TBC1D13: variants seen among roughly 807,000 people sequenced by gnomAD.
The protein encoded by TBC1D13 is TBC1 domain family member 13, also known as epididymis secretory sperm binding protein.
A neutral mutation model predicts 53.6 loss-of-function variants in TBC1D13; 40 were observed. The observed-to-expected ratio is 0.75, with a 90% CI of 0.58 to 0.97. The LOEUF (loss-of-function observed/expected upper bound fraction) is 0.97. TBC1D13 is among the 50% of genes least tolerant of loss of function. TBC1D13 has a pLI of 0.00. For missense variants in TBC1D13, 377 were observed against 499.4 expected, an observed-to-expected ratio of 0.75 and a Z score of 2.34; for synonymous variants, 182 against 197.7, an observed-to-expected ratio of 0.92 and a Z score of 0.67.
rs780753269 is a variant in TBC1D13 at position 128,803,450 on chromosome 9, T to C, written c.744T>C (p.Ser248=). Residue 248 remains serine (S), a synonymous_variant, in exon 8 of 12, where the codon AGT becomes AGC. Transcript: ENST00000372648. The part of the protein sequence containing the change: ...LYYTFATDPN[S]EWKEHAEADT... Reference sequence around the variant, plus strand: ...ACACCTTTGCCACCGACCCCAATAGTGAGTGGAAAGGTAAGAAGGCTCTTG... The same window carrying C: ...ACACCTTTGCCACCGACCCCAATAGCGAGTGGAAAGGTAAGAAGGCTCTTG... 3 of 1,614,028 alleles carry C rather than the reference T, an allele frequency of 1.9e-6. No homozygotes were observed. Among genetic ancestry groups the C allele is most frequent in the South Asian group, 2.2e-5 (2 of 91,078 alleles).
In TBC1D13 at chr9:128,808,009, T is replaced by C; in HGVS notation, c.*130T>C. The C allele has an allele frequency of 2.4e-6, 2 of 820,718 alleles. No homozygotes were observed. The highest frequency in any genetic ancestry group is 4.1e-6 in the Non-Finnish European group (2 of 492,696). 50.8% of individuals were successfully genotyped at this position (820,718 alleles called of 1,614,324 possible). On this transcript the variant is annotated 3_prime_UTR_variant, in exon 12 of 12. Coordinates refer to ENST00000372648, the MANE Select transcript of TBC1D13 (RefSeq NM_018201.5). ...CAGGATCGGCCCGAGACCCAGGCCA[T>C]GCCCACTGGGGACACACTGTGCCGT...
In TBC1D13 at chr9:128,804,157, G is replaced by T. The variant is rs73669972; in HGVS notation, c.918+38G>T. The T allele has an allele frequency of 7.3e-3, 11,687 of 1,605,362 alleles. 664 individuals are homozygous for T. In the African/African-American group the frequency reaches 0.13, roughly 18 times the overall value. ...GGAACAGACGGGTGGAAAGGGACAG[G>T]AGGCAGAGAGTTGCTGTGCCATCCC... is the stretch of plus-strand genomic sequence containing the variant. On this transcript the variant is annotated intron_variant, in intron 9 of 11. Coordinates refer to ENST00000372648, the MANE Select transcript of TBC1D13 (RefSeq NM_018201.5).
chr9:128,791,499 C>T (rs1330338122), intron 4 of TBC1D13, 58 bp downstream of exon 4: 1 of 1,607,100 alleles, frequency 6.2e-7, no homozygotes, highest in African/African-American at 1.3e-5. Context: ...AGAGCCAGTA[C>T]CGCTGGGGCC....
chr9:128,791,755 G>A, intron 5 of TBC1D13, 62 bp downstream of exon 5: 1 of 1,449,878 alleles, frequency 6.9e-7, no homozygotes, highest in Non-Finnish European at 9.7e-7. Flanking sequence ...CGGCCTTGGA[G>A]CAGGCAAGGG....
chr9:128,796,117 TCATTCTGTCACCCAG>T (rs1357121090), intron 6 of TBC1D13, among the ~76,000 whole-genome samples: 1 of 152,248 alleles, frequency 6.6e-6, no homozygotes, highest in African/African-American at 2.4e-5. Context: ...AGACTGAGTC[TCATTCTGTCACCCAG>T]GCTGGAGCGC....
At chr9:128,806,120 C>T in intron 10 of TBC1D13, 101 bp downstream of exon 10, 2 of 1,584,230 alleles carry the variant, frequency 1.3e-6, no homozygotes, top group Admixed American at 3.5e-5. Context: ...GCTGCTCTTT[C>T]ATGGCTGGAG....
intron 1 of TBC1D13, among the ~76,000 whole-genome samples, chr9:128,787,604 C>T (rs1360845287): frequency 6.6e-6 from 1 of 151,900 alleles, no homozygotes; most frequent in Non-Finnish European, 1.5e-5. Flanking sequence ...CATCCTGGAC[C>T]CCTGGTGTCC....
rs1242271846 is a variant in TBC1D13, at chr9:128,808,155, A to G, written c.*276A>G. ...TTCCTGGGCCAGGGCCGTTTCTGGC[A>G]CTGGGAGGCTGGCAGGGGCCCCTCC... On this transcript the variant is annotated 3_prime_UTR_variant, in exon 12 of 12. Coordinates refer to ENST00000372648, the MANE Select transcript of TBC1D13 (RefSeq NM_018201.5). 1 of 445,644 alleles carries G rather than the reference A, an allele frequency of 2.2e-6. No homozygotes were observed. Among genetic ancestry groups the G allele is most frequent in the African/African-American group, 2.0e-5 (1 of 51,050 alleles). 27.6% of individuals were successfully genotyped at this position (445,644 alleles called of 1,614,324 possible).
At chr9:128,802,099 A>G (rs1589574166) in intron 7 of TBC1D13, among the ~76,000 whole-genome samples, 1 of 147,578 alleles carries the variant, frequency 6.8e-6, no homozygotes, top group East Asian at 2.0e-4. Flanking sequence ...CTTGTTGCCC[A>G]GGCTGGAGTG....
At chr9:128,800,367 CTTTTTTTTT>C (rs780656078) in intron 7 of TBC1D13, among the ~76,000 whole-genome samples, 5 of 106,714 alleles carry the variant, frequency 4.7e-5, no homozygotes, top group African/African-American at 2.1e-4. Context: ...TATCTTCCAA[CTTTTTTTTT>C]TTTTTTTTTT....
At position 128,791,610 on chromosome 9, in the gene TBC1D13, T is replaced by C. The variant is rs1356080806; in HGVS notation, c.217T>C (p.Phe73Leu). The C allele has an allele frequency of 1.2e-6, 2 of 1,614,188 alleles. No homozygotes were observed. Among genetic ancestry groups the C allele is most frequent in the Admixed American group, 1.7e-5 (1 of 60,020 alleles). ...CTCCTGCAGGGAGCTGTATGCCCAG[T>C]TCCTGAGGGAAATGATCATCCAGCC... The part of the protein sequence containing the change: ...LAKQRELYAQ[F>L]LREMIIQPGI... The change falls in exon 5 of 12, where the codon TTC (phenylalanine) becomes CTC (leucine). Residue 73 changes from phenylalanine to leucine, a missense_variant. Transcript: ENST00000372648.
At chr9:128,792,165 A>G (rs1009818263) in intron 5 of TBC1D13, among the ~76,000 whole-genome samples, 1 of 152,256 alleles carries the variant, frequency 6.6e-6, no homozygotes, top group Non-Finnish European at 1.5e-5. Flanking sequence ...TCATTCATTC[A>G]GCAAGCAAAC....
chr9:128,801,767 G>GT (rs61640466), intron 7 of TBC1D13, among the ~76,000 whole-genome samples: 51,365 of 140,600 alleles, frequency 0.37, 12,045 homozygotes, highest in African/African-American at 0.67. Flanking sequence ...TTTGTTTTTT[G>GT]TTTTTTTTTT....
At chr9:128,789,815 T>TATATGTATGTATAAAAG in intron 2 of TBC1D13, 1 of 5,070 alleles carries the variant, frequency 2.0e-4, no homozygotes, top group East Asian at 5.5e-3. Flanking sequence ...ATATATATAA[T>TATATGTATGTATAAAAG]AATTCCACTT....
intron 6 of TBC1D13, among the ~76,000 whole-genome samples, chr9:128,796,220 G>C (rs1022913060): frequency 2.6e-5 from 4 of 151,718 alleles, no homozygotes; most frequent in African/African-American, 9.7e-5. Context: ...CCAGTAGTTG[G>C]GATTACAGGC....
At chr9:128,788,948 C>G (rs996365076) in intron 2 of TBC1D13, among the ~76,000 whole-genome samples, 1 of 152,158 alleles carries the variant, frequency 6.6e-6, no homozygotes, top group Admixed American at 6.5e-5. Context: ...AAAGATAACT[C>G]TCTTTTTGCC....
intron 2 of TBC1D13, among the ~76,000 whole-genome samples, chr9:128,789,414 A>T (rs1280831554): frequency 1.3e-5 from 2 of 151,470 alleles, no homozygotes; most frequent in Non-Finnish European, 2.9e-5. Context: ...GGTACCAGGG[A>T]TACTACAGCA....
chr9:128,804,087 A>G lies in TBC1D13; in HGVS notation c.886A>G (p.Lys296Glu). ...YKMEKVYSTL[K>E]DKDVELYLKL... ...GATGGAGAAGGTTTACTCCACCTTG[A>G]AAGATAAGGATGTGGAGCTCTACCT... is the stretch of plus-strand genomic sequence containing the variant. The change falls in exon 9 of 12, where the codon AAA becomes GAA. Residue 296 changes from lysine to glutamate, a missense_variant. Physicochemically the swap from Lys to Glu is moderately conservative, Grantham distance 56. Transcript: ENST00000372648. The G allele has an allele frequency of 6.2e-7, 1 of 1,614,062 alleles. No individual in the cohort carries two copies. The highest frequency in any genetic ancestry group is 2.2e-5 in the East Asian group (1 of 44,882).
chr9:128,787,276 G>GGGCGGCGGC lies in TBC1D13; in HGVS notation c.-68_-60dup, dbSNP rs544064818. 51 of 1,242,014 alleles carry GGGCGGCGGC rather than the reference G, an allele frequency of 4.1e-5. No individual in the cohort carries two copies. Among genetic ancestry groups the GGGCGGCGGC allele is most frequent in the South Asian group, 8.1e-5 (2 of 24,632 alleles). 76.9% of individuals were successfully genotyped at this position (1,242,014 alleles called of 1,614,324 possible). On this transcript the variant is annotated 5_prime_UTR_variant, in exon 1 of 12. Transcript: ENST00000372648. Reference sequence around the variant, plus strand: ...TTGCGCAGAGCCCCGCGTCCCTGGGGGGCGGCGGCGGCGGCGGCAGCGCAG... The same window carrying GGGCGGCGGC: ...TTGCGCAGAGCCCCGCGTCCCTGGGGGGCGGCGGCGGCGGCGGCGGCGGCGGCAGCGCAG...
Sources: gnomAD v4.1 joint callset for allele counts (sites outside exome capture counted in the v4.1 genomes callset) on GRCh38, gnomAD v4.1.1 for gene constraint, MANE v1.5 for transcripts, NCBI Gene and HGNC (gene_info 2026-07-23, HGNC 2026-07-21) for gene names.